Variants in PXDNL observed in about 807,000 individuals in gnomAD.
The protein encoded by PXDNL is probable oxidoreductase PXDNL.
Under a neutral mutation model 150.8 loss-of-function variants are expected in PXDNL, and 145 were observed. The ratio of observed to expected loss-of-function variants is 0.96; its 90% CI spans 0.84 to 1.10. The LOEUF (loss-of-function observed/expected upper bound fraction) is 1.10, where lower values mean the gene tolerates loss of function less well. PXDNL is among the 50% of genes least tolerant of loss of function. The pLI, the probability that PXDNL is intolerant of heterozygous loss-of-function variation, is 0.00. For missense variants in PXDNL, 2,087 were observed against 1,873.9 expected (o/e 1.11, Z -2.10); for synonymous variants, 757 against 725.7 (o/e 1.04, Z -0.69).
chr8:51,347,363 C>T (rs973330436), intron 19 of PXDNL, among the ~76,000 whole-genome samples: 1 of 152,116 alleles, frequency 6.6e-6, no homozygotes, highest in Non-Finnish European at 1.5e-5. Context: ...ACTGCAAATG[C>T]TATAATGCTA....
intron 21 of PXDNL, among the ~76,000 whole-genome samples, chr8:51,327,826 A>T (rs1805562430): frequency 6.6e-6 from 1 of 152,196 alleles, no homozygotes; most frequent in African/African-American, 2.4e-5. Flanking sequence ...AAATCAATAA[A>T]TTTCTTAGAG....
intron 1 of PXDNL, among the ~76,000 whole-genome samples, chr8:51,697,483 C>T (rs1351419362): frequency 6.6e-6 from 1 of 152,046 alleles, no homozygotes; most frequent in East Asian, 1.9e-4. Flanking sequence ...AATGCCTGAA[C>T]CCTGCAGGCC....
intron 1 of PXDNL, among the ~76,000 whole-genome samples, chr8:51,791,973 C>A (rs1410402509): frequency 2.6e-5 from 4 of 152,038 alleles, no homozygotes; most frequent in Non-Finnish European, 5.9e-5. Flanking sequence ...TGTTACCCTT[C>A]TTTTGCATTC....
chr8:51,672,288 C>A (rs1384505735), intron 1 of PXDNL, among the ~76,000 whole-genome samples: 1 of 152,144 alleles, frequency 6.6e-6, no homozygotes, highest in East Asian at 1.9e-4. Flanking sequence ...GGCTTCAAAT[C>A]ATTCTTTAAC....
intron 1 of PXDNL, among the ~76,000 whole-genome samples, chr8:51,735,773 C>T (rs538866381): frequency 1.3e-5 from 2 of 151,438 alleles, no homozygotes; most frequent in African/African-American, 4.8e-5. Flanking sequence ...GTCTCGATCT[C>T]CTGACCTCGT....
intron 1 of PXDNL, among the ~76,000 whole-genome samples, chr8:51,676,505 G>A (rs546153471): frequency 1.3e-5 from 2 of 152,108 alleles, no homozygotes; most frequent in African/African-American, 4.8e-5. Flanking sequence ...TCGAACTCGT[G>A]ACCTCAAGTG....
chr8:51,504,488 C>T (rs1018118318), intron 4 of PXDNL, among the ~76,000 whole-genome samples: 2 of 152,130 alleles, frequency 1.3e-5, no homozygotes, highest in South Asian at 4.1e-4. Flanking sequence ...CCCTTCTTGC[C>T]TGGTAATTCT....
chr8:51,770,441 G>A (rs529961916), intron 1 of PXDNL, among the ~76,000 whole-genome samples: 13 of 152,326 alleles, frequency 8.5e-5, no homozygotes, highest in Admixed American at 6.5e-4. Flanking sequence ...GCATGGGGAC[G>A]GAGGTGTCCA....
At chr8:51,549,346 GA>G (rs1157694898) in intron 4 of PXDNL, among the ~76,000 whole-genome samples, 3 of 151,984 alleles carry the variant, frequency 2.0e-5, no homozygotes, top group African/African-American at 4.8e-5. Context: ...GATATTTACA[GA>G]GCATTCTACG....
At chr8:51,738,714 C>T (rs2036867178) in intron 1 of PXDNL, among the ~76,000 whole-genome samples, 1 of 152,158 alleles carries the variant, frequency 6.6e-6, no homozygotes, top group Admixed American at 6.5e-5. Flanking sequence ...ATTGAGTAGT[C>T]CTGTAACTAT....
chr8:51,704,447 G>A (rs1816321525), intron 1 of PXDNL, among the ~76,000 whole-genome samples: 1 of 152,138 alleles, frequency 6.6e-6, no homozygotes, highest in South Asian at 2.1e-4. Context: ...TAGTAGTCTT[G>A]TTCATATTTC....
intron 3 of PXDNL, among the ~76,000 whole-genome samples, chr8:51,570,667 T>C (rs1362834831): frequency 6.6e-6 from 1 of 151,946 alleles, no homozygotes; most frequent in Admixed American, 6.6e-5. Flanking sequence ...CCCTGTCCTT[T>C]TATCCACTAT....
At chr8:51,599,123 T>A (rs534564465) in intron 2 of PXDNL, among the ~76,000 whole-genome samples, 1 of 152,272 alleles carries the variant, frequency 6.6e-6, no homozygotes, top group South Asian at 2.1e-4. Context: ...GGATCTTCTC[T>A]TTTTCTCTTT....
At chr8:51,670,787 G>A (rs1419348983) in intron 1 of PXDNL, among the ~76,000 whole-genome samples, 1 of 152,114 alleles carries the variant, frequency 6.6e-6, no homozygotes, top group Non-Finnish European at 1.5e-5. Flanking sequence ...AGAAACTAAT[G>A]TGTCCCCCAG....
chr8:51,470,552 A>G (rs750352002), intron 8 of PXDNL, among the ~76,000 whole-genome samples: 1 of 152,162 alleles, frequency 6.6e-6, no homozygotes, highest in South Asian at 2.1e-4. Context: ...TAATTGTCCA[A>G]GTGCTATCGT....
At chr8:51,772,269 C>G (rs1000280404) in intron 1 of PXDNL, among the ~76,000 whole-genome samples, 1 of 148,370 alleles carries the variant, frequency 6.7e-6, no homozygotes, top group African/African-American at 2.6e-5. Flanking sequence ...CACACATATA[C>G]AGCTGCTCCG....
intron 14 of PXDNL, among the ~76,000 whole-genome samples, chr8:51,415,863 A>ACCC (rs1808786140): frequency 1.3e-5 from 2 of 152,226 alleles, no homozygotes. Context: ...TTAATTAGTT[A>ACCC]ACCAATTGAG....
chr8:51,388,534 C>T (rs1274691715), intron 17 of PXDNL, among the ~76,000 whole-genome samples: 1 of 152,144 alleles, frequency 6.6e-6, no homozygotes, highest in Non-Finnish European at 1.5e-5. Context: ...ATACATTCTA[C>T]TTCCTAAGTG....
chr8:51,379,487 G>T, intron 17 of PXDNL, among the ~76,000 whole-genome samples: 1 of 151,648 alleles, frequency 6.6e-6, no homozygotes, highest in East Asian at 1.9e-4. Context: ...TTTTCTTACT[G>T]AAATGTGTAT....
Sources: gnomAD v4.1 joint callset for allele counts (sites outside exome capture counted in the v4.1 genomes callset) on GRCh38, gnomAD v4.1.1 for gene constraint, MANE v1.5 for transcripts, NCBI Gene and HGNC (gene_info 2026-07-23, HGNC 2026-07-21) for gene names.